The following PTPRN2 variants were observed in gnomAD, a reference collection of about 807,000 sequenced individuals.
PTPRN2 encodes the protein receptor-type tyrosine-protein phosphatase N2.
PTPRN2 carries 74 observed loss-of-function variants against 118.8 expected under a neutral mutation model. The ratio of observed to expected loss-of-function variants is 0.62; its 90% CI spans 0.52 to 0.76. The LOEUF (loss-of-function observed/expected upper bound fraction) is 0.76. PTPRN2 is among the 30% of genes least tolerant of loss of function. The probability of loss-of-function intolerance (pLI) is 0.00; values close to 1 mark genes in which losing one functional copy is unlikely to be tolerated. For missense variants in PTPRN2, 1,481 were observed against 1,394.4 expected (o/e 1.06, Z -0.99); for synonymous variants, 641 against 608.0 (o/e 1.05, Z -0.80).
intron 3 of PTPRN2, among the ~76,000 whole-genome samples, chr7:158,282,816 CCA>C (rs1384767805): frequency 2.0e-5 from 3 of 149,876 alleles, no homozygotes; most frequent in Non-Finnish European, 3.0e-5. Flanking sequence ...CCTCGTGCTC[CCA>C]CACACACAGC....
chr7:158,363,977 G>A (rs912259026), intron 2 of PTPRN2, among the ~76,000 whole-genome samples: 3 of 152,086 alleles, frequency 2.0e-5, no homozygotes, highest in Non-Finnish European at 2.9e-5. Flanking sequence ...ACACACACAC[G>A]CTTCCCCAGA....
At chr7:158,064,234 G>A (rs146901060) in intron 11 of PTPRN2, among the ~76,000 whole-genome samples, 2 of 152,190 alleles carry the variant, frequency 1.3e-5, no homozygotes, top group African/African-American at 4.8e-5. Flanking sequence ...GGGTTTAACC[G>A]CATTGACTCT....
intron 2 of PTPRN2, among the ~76,000 whole-genome samples, chr7:158,420,475 T>C (rs1289782863): frequency 1.3e-5 from 2 of 152,222 alleles, no homozygotes; most frequent in Non-Finnish European, 2.9e-5. Flanking sequence ...CAGCACACAT[T>C]CCTTCTTCTT....
chr7:157,590,553 A>G lies in PTPRN2; in HGVS notation c.2496+4685T>C, dbSNP rs1800923107. On this transcript the variant is annotated intron_variant, in intron 17 of 22. Transcript: ENST00000389418. The surrounding 1 kb of genome is among the most constrained non-coding windows in gnomAD (Gnocchi z 4.0). The stretch of plus-strand genomic sequence containing the variant: ...AGCTGGTTCACTGCAGGAAAGCACC[A>G]TGTGTGCAGTGAGTGGTGACCCTCC... 6.6e-6 allele frequency among the ~76,000 whole-genome samples: 1 copy of G among 152,240 alleles called. No homozygotes were observed. Among genetic ancestry groups the G allele is most frequent in the Non-Finnish European group, 1.5e-5 (1 of 68,044 alleles).
intron 6 of PTPRN2, among the ~76,000 whole-genome samples, chr7:158,146,702 C>A (rs1003701311): frequency 2.2e-5 from 3 of 137,800 alleles, no homozygotes; most frequent in East Asian, 2.0e-4. Context: ...GCCTGGGCGA[C>A]AGAGCGAGAC....
At chr7:157,968,711 C>G (rs1174542761) in intron 11 of PTPRN2, among the ~76,000 whole-genome samples, 2 of 152,058 alleles carry the variant, frequency 1.3e-5, no homozygotes, top group East Asian at 3.9e-4. Context: ...ATCATACAGC[C>G]TAGAAGGGTT....
chr7:158,361,555 C>G (rs2151292813), intron 2 of PTPRN2, among the ~76,000 whole-genome samples: 1 of 152,308 alleles, frequency 6.6e-6, no homozygotes, highest in East Asian at 1.9e-4. Context: ...GCCCTGGGCT[C>G]CAATATTCAG....
chr7:157,715,235 C>A (rs1046893877), intron 12 of PTPRN2, among the ~76,000 whole-genome samples: 1 of 152,134 alleles, frequency 6.6e-6, no homozygotes, highest in East Asian at 1.9e-4. Flanking sequence ...CCAGGCCGTG[C>A]GCCCAAGAGG....
chr7:158,186,012 GC>G (rs200429127), intron 5 of PTPRN2, among the ~76,000 whole-genome samples: 2 of 86,052 alleles, frequency 2.3e-5, no homozygotes, highest in African/African-American at 6.6e-5. Flanking sequence ...ATTTCTCCCA[GC>G]CCTCTCCCTC....
intron 6 of PTPRN2, among the ~76,000 whole-genome samples, chr7:158,151,187 T>C (rs1458907297): frequency 1.7e-4 from 2 of 11,766 alleles, no homozygotes; most frequent in African/African-American, 8.5e-4. Context: ...TGCTCCTGCC[T>C]CTCCCTGCCC....
chr7:158,521,573 CAGGG>C (rs1563387222), intron 1 of PTPRN2, among the ~76,000 whole-genome samples: 5 of 134,520 alleles, frequency 3.7e-5, no homozygotes, highest in Admixed American at 1.5e-4. Context: ...GGTACTGGCT[CAGGG>C]GGGAGGTCCA....
chr7:158,007,027 C>T (rs1057029230), intron 11 of PTPRN2, among the ~76,000 whole-genome samples: 2 of 152,172 alleles, frequency 1.3e-5, no homozygotes, highest in Admixed American at 6.5e-5. Context: ...GTCCGGGCTT[C>T]GGTTTCTCCT....
At chr7:157,856,219 G>GA (rs1391189484) in intron 12 of PTPRN2, 7 of 152,388 alleles carry the variant, frequency 4.6e-5, no homozygotes, top group South Asian at 4.1e-4. Flanking sequence ...AAGTGGGTTA[G>GA]AAAATGTCAT....
intron 13 of PTPRN2, among the ~76,000 whole-genome samples, chr7:157,669,973 G>A (rs747173104): frequency 1.3e-5 from 2 of 152,140 alleles, no homozygotes; most frequent in African/African-American, 4.8e-5. Context: ...CAGCATCTAC[G>A]TGGTGCAGAG....
At chr7:158,089,495 T>C (rs1216282670) in intron 10 of PTPRN2, among the ~76,000 whole-genome samples, 3 of 134,838 alleles carry the variant, frequency 2.2e-5, no homozygotes, top group Admixed American at 7.2e-5. Flanking sequence ...CTTCTTCCCC[T>C]GAGGAAAGGG....
At position 158,320,003 on chromosome 7, in the gene PTPRN2, TCA is replaced by T. The variant is rs1176842464; in HGVS notation, c.164-3073_164-3072del. 3.7e-3 allele frequency among the ~76,000 whole-genome samples: 18 copies of T among 4,880 alleles called. 1 individual carries two copies. Among genetic ancestry groups the T allele is most frequent in the African/African-American group, 5.3e-3 (6 of 1,140 alleles). The allele number at this position is 4,880 out of a possible 152,430, so 3.2% of individuals were successfully genotyped here. A position where few individuals can be genotyped will look rare whatever the true frequency, so the allele number is the denominator to read the frequency against. On this transcript the variant is annotated intron_variant, in intron 2 of 22. Coordinates refer to ENST00000389418, the MANE Select transcript of PTPRN2 (RefSeq NM_002847.5). ...CACACACAGCCTCCCTCACACACACTCACACAGCCTCCCTCATACACACACAC... is the reference window on the plus strand; with the variant it reads ...CACACACAGCCTCCCTCACACACACTCACAGCCTCCCTCATACACACACAC...
chr7:158,008,129 A>G (rs2128866528), intron 11 of PTPRN2, among the ~76,000 whole-genome samples: 1 of 100,760 alleles, frequency 9.9e-6, no homozygotes, highest in East Asian at 3.2e-4. Context: ...GTGGGTGTGT[A>G]CATGTACACA....
chr7:158,345,195 C>T (rs573798079), intron 2 of PTPRN2, among the ~76,000 whole-genome samples: 235 of 152,298 alleles, frequency 1.5e-3, no homozygotes, highest in African/African-American at 5.1e-3. Flanking sequence ...AAACACCCCT[C>T]CCAGCAGAGC....
chr7:158,065,047 T>A (rs1810651064), intron 11 of PTPRN2, among the ~76,000 whole-genome samples: 1 of 152,238 alleles, frequency 6.6e-6, no homozygotes, highest in Non-Finnish European at 1.5e-5. Flanking sequence ...CATCTGGTAA[T>A]TGACTGTAAT....
Sources: gnomAD v4.1 joint callset for allele counts (sites outside exome capture counted in the v4.1 genomes callset) on GRCh38, gnomAD v4.1.1 for gene constraint, Gnocchi (gnomAD v3.1) non-coding constraint, MANE v1.5 for transcripts, NCBI Gene and HGNC (gene_info 2026-07-23, HGNC 2026-07-21) for gene names.